VAV3: variants seen among roughly 807,000 people sequenced by gnomAD.
VAV3 encodes guanine nucleotide exchange factor VAV3.
VAV3 carries 94 observed loss-of-function variants against 131.2 expected under a neutral mutation model. The ratio of observed to expected loss-of-function variants is 0.72; its 90% CI spans 0.61 to 0.85. VAV3 has a LOEUF of 0.85. Among genes scored for constraint, VAV3 ranks in the 40% least tolerant of loss-of-function variants. The pLI is 0.00. For missense variants in VAV3, 939 were observed against 1,002.7 expected (o/e 0.94, Z 0.86); for synonymous variants, 349 against 342.0 (o/e 1.02, Z -0.22).
Position 107,903,346 on chromosome 1 carries a change from A to G in VAV3, c.205-28329T>C, listed in dbSNP as rs115883592. On this transcript the variant is annotated intron_variant, in intron 1 of 26. Transcript: ENST00000370056. ...ATGAATGTAAAACACAGCTATAAAA[A>G]ATATCATATTTGCCAGAAATGCGCT... 6.8e-3 allele frequency among the ~76,000 whole-genome samples: 1,036 copies of G among 152,282 alleles called. 9 individuals carry two copies. Among genetic ancestry groups the G allele is most frequent in the African/African-American group, 0.024 (982 of 41,546 alleles).
chr1:107,623,297 T>C (rs940621038), intron 20 of VAV3, among the ~76,000 whole-genome samples: 2 of 152,250 alleles, frequency 1.3e-5, no homozygotes, highest in Non-Finnish European at 2.9e-5. Context: ...TTAATATGCA[T>C]GAAAGTACTT....
chr1:107,721,660 CACA>C (rs1661509484), intron 15 of VAV3, among the ~76,000 whole-genome samples: 1 of 152,100 alleles, frequency 6.6e-6, no homozygotes, highest in Non-Finnish European at 1.5e-5. Context: ...CAAAGGAAAT[CACA>C]ACATCTAGGT....
intron 1 of VAV3, among the ~76,000 whole-genome samples, chr1:107,876,106 T>C (rs756757847): frequency 2.0e-5 from 3 of 152,068 alleles, no homozygotes; most frequent in Non-Finnish European, 4.4e-5. Flanking sequence ...AGTTAGGAAG[T>C]AGGAAAACCA....
At chr1:107,778,365 T>G (rs1021402425) in intron 3 of VAV3, among the ~76,000 whole-genome samples, 4 of 151,692 alleles carry the variant, frequency 2.6e-5, no homozygotes, top group Non-Finnish European at 5.9e-5. Flanking sequence ...TGACTTACGT[T>G]TTTTCAGAAT....
At chr1:107,685,423 T>C (rs938497041) in intron 18 of VAV3, among the ~76,000 whole-genome samples, 9 of 152,240 alleles carry the variant, frequency 5.9e-5, no homozygotes, top group Admixed American at 1.3e-4. Flanking sequence ...TACAGCCACA[T>C]GGTAAGGATT....
chr1:107,828,093 T>A (rs1054587522), intron 2 of VAV3, among the ~76,000 whole-genome samples: 15 of 152,066 alleles, frequency 9.9e-5, no homozygotes, highest in African/African-American at 3.4e-4. Flanking sequence ...TTTTGGTGAG[T>A]GAATTTGAAG....
chr1:107,617,312 T>C (rs1653233169), intron 21 of VAV3, among the ~76,000 whole-genome samples: 1 of 152,164 alleles, frequency 6.6e-6, no homozygotes, highest in South Asian at 2.1e-4. Context: ...GTGGTTTATT[T>C]CTTCTAAAAC....
In VAV3 at chr1:107,634,756, G is replaced by C. The variant is rs944781472; in HGVS notation, c.1914+7863C>G. On this transcript the variant is annotated intron_variant, in intron 20 of 26. Coordinates refer to ENST00000370056, the MANE Select transcript of VAV3 (RefSeq NM_006113.5). ...AGGGCTAATATCCAGAATCTACAAT[G>C]AACTCAAACAAATTTACAAGAAAAA... Among the ~76,000 whole-genome samples, 212 of 151,182 alleles carry C rather than the reference G, an allele frequency of 1.4e-3. 3 individuals carry two copies. Among genetic ancestry groups the C allele is most frequent in the African/African-American group, 1.6e-3 (68 of 41,324 alleles).
At chr1:107,860,407 T>C (rs554195896) in intron 2 of VAV3, among the ~76,000 whole-genome samples, 2 of 152,026 alleles carry the variant, frequency 1.3e-5, no homozygotes, top group Non-Finnish European at 2.9e-5. Context: ...ATTTAAGTTC[T>C]TGGGCTTTTA....
chr1:107,863,976 TAA>T (rs1457072894), intron 2 of VAV3, among the ~76,000 whole-genome samples: 1 of 152,184 alleles, frequency 6.6e-6, no homozygotes, highest in Non-Finnish European at 1.5e-5. Flanking sequence ...GTTTTCTCTC[TAA>T]AAGTTTAAAA....
chr1:107,755,616 A>T, intron 11 of VAV3, 103 bp from the exon 12 acceptor site: 4 of 750,668 alleles, frequency 5.3e-6, no homozygotes, highest in Non-Finnish European at 8.6e-6. Flanking sequence ...TGGTAAAAGT[A>T]ACCACTGTAA....
intron 19 of VAV3, among the ~76,000 whole-genome samples, chr1:107,658,413 G>A (rs1656744508): frequency 1.3e-5 from 2 of 152,164 alleles, no homozygotes; most frequent in South Asian, 2.1e-4. Context: ...AAACATACGT[G>A]TGCATGTGTC....
intron 15 of VAV3, among the ~76,000 whole-genome samples, chr1:107,705,524 T>C (rs925775064): frequency 3.9e-5 from 6 of 152,184 alleles, no homozygotes; most frequent in Admixed American, 6.5e-5. Flanking sequence ...ACAGTAATTT[T>C]ATAGAAAGTT....
chr1:107,578,738 AGCTG>A, intron 25 of VAV3: 1 of 984,390 alleles, frequency 1.0e-6, no homozygotes, highest in Non-Finnish European at 1.2e-6. Context: ...CCTCCCGAGT[AGCTG>A]GGACTGTTTT....
chr1:107,767,650 G>A (rs1406989519), intron 7 of VAV3, among the ~76,000 whole-genome samples: 3 of 152,148 alleles, frequency 2.0e-5, no homozygotes, highest in Non-Finnish European at 4.4e-5. Flanking sequence ...AACTGTTCAG[G>A]TAATACAAGC....
At chr1:107,864,485 T>C (rs528937364) in intron 2 of VAV3, among the ~76,000 whole-genome samples, 1 of 152,234 alleles carries the variant, frequency 6.6e-6, no homozygotes, top group South Asian at 2.1e-4. Flanking sequence ...TAGCTGGCTG[T>C]GGTGGCATGC....
At chr1:107,947,329 G>A (rs1346843641) in intron 1 of VAV3, among the ~76,000 whole-genome samples, 1 of 152,152 alleles carries the variant, frequency 6.6e-6, no homozygotes, top group Non-Finnish European at 1.5e-5. Flanking sequence ...TAAAACATCT[G>A]CACAAAGATG....
At chr1:107,881,925 C>T (rs1211221242) in intron 1 of VAV3, among the ~76,000 whole-genome samples, 19 of 152,184 alleles carry the variant, frequency 1.2e-4, no homozygotes, top group Admixed American at 1.2e-3. Context: ...AACTCTGAAT[C>T]GCTCCTTTTC....
chr1:107,950,483 G>A lies in VAV3; in HGVS notation c.204+14183C>T, dbSNP rs147448860. 4.1e-3 allele frequency among the ~76,000 whole-genome samples: 628 copies of A among 152,256 alleles called. 2 individuals are homozygous for A. The highest frequency in any genetic ancestry group is 0.017 in the Middle Eastern group (5 of 294). ...AGGGTGTCTGGGATTTGGAGCGTTG[G>A]AACATGACCAGGGGAATGACAGAAA... On this transcript the variant is annotated intron_variant, in intron 1 of 26. Coordinates refer to ENST00000370056, the MANE Select transcript of VAV3 (RefSeq NM_006113.5).
Sources: allele counts gnomAD v4.1 joint callset (sites outside exome capture counted in the v4.1 genomes callset), GRCh38; gene constraint gnomAD v4.1.1; transcripts MANE v1.5; gene names NCBI Gene and HGNC (gene_info 2026-07-23, HGNC 2026-07-21).